The following RIMBP2 variants were observed in gnomAD, a reference collection of about 807,000 sequenced individuals.
RIMBP2 encodes RIMS-binding protein 2.
In RIMBP2, 48 loss-of-function variants were observed where a neutral mutation model predicts 118.6. That is an observed-to-expected ratio of 0.40 (90% CI 0.32 to 0.51). The LOEUF (loss-of-function observed/expected upper bound fraction) is 0.51. Among genes scored for constraint, RIMBP2 ranks in the 20% least tolerant of loss-of-function variants. RIMBP2 has a pLI of 0.41. For synonymous variants in RIMBP2, 762 were observed against 742.9 expected, an observed-to-expected ratio of 1.03 and a Z score of -0.42; for missense variants, 1,551 against 1,768.3, an observed-to-expected ratio of 0.88 and a Z score of 2.20.
rs115734950 is a variant in RIMBP2, at chr12:130,709,212, C to G, written c.-352+7010G>C. Among the ~76,000 whole-genome samples, 1,040 of 152,334 alleles carry G rather than the reference C, an allele frequency of 6.8e-3. 16 individuals carry two copies. The highest frequency in any genetic ancestry group is 0.024 in the African/African-American group (992 of 41,576). Reference sequence around the variant, plus strand: ...CAGGGCTGGTGGGCTTGGGGACAAGCAGGAAGGAAGCTGGGGAACTGTCTG... The same window carrying G: ...CAGGGCTGGTGGGCTTGGGGACAAGGAGGAAGGAAGCTGGGGAACTGTCTG... On this transcript the variant is annotated intron_variant, in intron 1 of 22. Transcript: ENST00000690449.
Position 130,424,214 on chromosome 12 carries a change from G to T in RIMBP2, c.3057C>A (p.Ser1019Arg). The change falls in exon 16 of 23, where the codon AGC becomes AGA. Residue 1019 changes from serine (S) to arginine (R), a missense_variant. Ser to Arg is a moderately radical substitution (Grantham distance 110). This residue lies in a region of RIMBP2 where 1,038 missense variants were observed against 1,125.1 expected (regional missense o/e 0.92). Transcript: ENST00000690449. This position sits in a 1 kb window ranked among gnomAD's most constrained non-coding sequence, Gnocchi z 9.8. ...CTGCCCTACTGTCGGGCATGGTTAT[G>T]CTTTTCTTCCAGACACCCCGAAAAT... Reference protein sequence around the residue: ...HQDFRGVWKKSITMPDSRAAA... With the variant: ...HQDFRGVWKKRITMPDSRAAA... 1 of 1,232,032 alleles carries T rather than the reference G, an allele frequency of 8.1e-7. No homozygotes were observed. Among genetic ancestry groups the T allele is most frequent in the East Asian group, 3.2e-5 (1 of 31,680 alleles). 76.3% of individuals were successfully genotyped at this position (1,232,032 alleles called of 1,614,324 possible).
chr12:130,675,692 C>T (rs376106179), intron 1 of RIMBP2, among the ~76,000 whole-genome samples: 10 of 152,312 alleles, frequency 6.6e-5, no homozygotes, highest in African/African-American at 2.4e-4. Flanking sequence ...AAAGAATCCA[C>T]GTGACTTTGA....
At position 130,452,840 on chromosome 12, in the gene RIMBP2, A is replaced by G. The variant is rs973515170; in HGVS notation, c.359-1500T>C. 2.0e-5 allele frequency among the ~76,000 whole-genome samples: 3 copies of G among 152,340 alleles called. No homozygotes were observed. The East Asian group carries it at 5.8e-4, about 29-fold the overall frequency. ...GGGGACGGCACAGCTGATGAAGGTG[A>G]TATGAATACAGTAGTCACCTTGTAT... On this transcript the variant is annotated intron_variant, in intron 7 of 22. Coordinates refer to ENST00000690449, the MANE Select transcript of RIMBP2 (RefSeq NM_001393629.1).
In RIMBP2 at chr12:130,420,483, A is replaced by G. The variant is rs1435904600; in HGVS notation, c.3238+1970T>C. On this transcript the variant is annotated intron_variant, in intron 17 of 22. Transcript: ENST00000690449. This position sits in a 1 kb window ranked among gnomAD's most constrained non-coding sequence, Gnocchi z 4.3. ...TTAAGACACGCATGCAGCCTTTGGAATTCTACGGCTTCAGAAAAATCCAAC... is the reference window on the plus strand; with the variant it reads ...TTAAGACACGCATGCAGCCTTTGGAGTTCTACGGCTTCAGAAAAATCCAAC... Among the ~76,000 whole-genome samples, 1 of 152,202 alleles carries G rather than the reference A, an allele frequency of 6.6e-6. No individual in the cohort carries two copies. Among genetic ancestry groups the G allele is most frequent in the Non-Finnish European group, 1.5e-5 (1 of 68,040 alleles).
chr12:130,582,757 C>G (rs2058562104), intron 2 of RIMBP2, among the ~76,000 whole-genome samples: 1 of 152,184 alleles, frequency 6.6e-6, no homozygotes, highest in African/African-American at 2.4e-5. Context: ...CTCTGTCTTT[C>G]AAGCCTTCTA....
In RIMBP2 at chr12:130,450,120, G is replaced by T; in HGVS notation, c.581+80C>A. The T allele has an allele frequency of 1.1e-6, 1 of 914,886 alleles. No homozygotes were observed. The highest frequency in any genetic ancestry group is 1.7e-6 in the Non-Finnish European group (1 of 576,948). The allele number at this position is 914,886 out of a possible 1,614,324, so 56.7% of individuals were successfully genotyped here. A position where few individuals can be genotyped will look rare whatever the true frequency, so the allele number is the denominator to read the frequency against. ...TGCCCTGGGAGAAGGGAACTTCTCAGACCCCAGAGTGTTCCCAGACCCAAC... is the reference window on the plus strand; with the variant it reads ...TGCCCTGGGAGAAGGGAACTTCTCATACCCCAGAGTGTTCCCAGACCCAAC... On this transcript the variant is annotated intron_variant, in intron 9 of 22. Transcript: ENST00000690449. This position sits in a 1 kb window ranked among gnomAD's most constrained non-coding sequence, Gnocchi z 4.8.
At position 130,419,330 on chromosome 12, in the gene RIMBP2, G is replaced by C. The variant is rs1238854998; in HGVS notation, c.3238+3123C>G. Among the ~76,000 whole-genome samples, 1 of 152,188 alleles carries C rather than the reference G, an allele frequency of 6.6e-6. No homozygotes were observed. The highest frequency in any genetic ancestry group is 1.5e-5 in the Non-Finnish European group (1 of 68,038). ...GGGTCTTTGTTAGGAGGAAGGGTGT[G>C]CATATCGTGTGGGAGATCAGGGCTC... On this transcript the variant is annotated intron_variant, in intron 17 of 22. Transcript: ENST00000690449. This position sits in a 1 kb window ranked among gnomAD's most constrained non-coding sequence, Gnocchi z 4.3.
At chr12:130,658,634 G>A (rs7966306) in intron 1 of RIMBP2, 79,285 of 152,046 alleles carry the variant, frequency 0.52, 21,643 homozygotes, top group Non-Finnish European at 0.62. Context: ...AGGCAAGCGC[G>A]GTAGCTGCAG....
At position 130,414,294 on chromosome 12, in the gene RIMBP2, C is replaced by T. The variant is rs754032403; in HGVS notation, c.3251G>A (p.Arg1084Gln). The T allele has an allele frequency of 9.4e-6, 15 of 1,589,210 alleles. No individual in the cohort carries two copies. The Admixed American group carries it at 2.1e-4, about 22-fold the overall frequency. The change falls in exon 18 of 23, where the codon CGA becomes CAA. Residue 1084 changes from arginine (R) to glutamine (Q), a missense_variant. Coordinates refer to ENST00000690449, the MANE Select transcript of RIMBP2 (RefSeq NM_001393629.1). ...VTVPSIDDYG[R>Q]DRLSPDFYEE... ...ATAGAAGTCTGGAGAAAGGCGGTCTCGCCCGTAATCGTCTGCGAGCAAGTG... is the reference window on the plus strand; with the variant it reads ...ATAGAAGTCTGGAGAAAGGCGGTCTTGCCCGTAATCGTCTGCGAGCAAGTG...
At chr12:130,711,583 A>C (rs1398318444) in intron 1 of RIMBP2, among the ~76,000 whole-genome samples, 2 of 152,210 alleles carry the variant, frequency 1.3e-5, no homozygotes, top group African/African-American at 4.8e-5. Flanking sequence ...TTGGACTTAA[A>C]GTTTATATTG....
chr12:130,575,929 C>G (rs992264020), intron 2 of RIMBP2, among the ~76,000 whole-genome samples: 4 of 152,086 alleles, frequency 2.6e-5, no homozygotes, highest in Non-Finnish European at 5.9e-5. Flanking sequence ...TTTACTTCCC[C>G]GGAAAGCTGG....
intron 1 of RIMBP2, among the ~76,000 whole-genome samples, chr12:130,656,413 C>T (rs918020882): frequency 2.4e-4 from 36 of 152,214 alleles, no homozygotes; most frequent in Non-Finnish European, 4.4e-4. Context: ...CATGTCCCCT[C>T]TCCTGGGACT....
intron 11 of RIMBP2, among the ~76,000 whole-genome samples, chr12:130,439,713 CGGTGGGGGTGTTTGTGGGTGTGTG>C (rs2077923360): frequency 3.1e-5 from 1 of 32,204 alleles, no homozygotes; most frequent in Admixed American, 4.2e-4. Context: ...GTGGGGGTGT[CGGTGGGGGTGTTTGTGGGTGTGTG>C]TATGTGGGTC....
intron 2 of RIMBP2, among the ~76,000 whole-genome samples, chr12:130,596,137 G>A (rs891086513): frequency 1.2e-4 from 18 of 152,084 alleles, no homozygotes; most frequent in Admixed American, 9.2e-4. Flanking sequence ...CACCCCGAAT[G>A]TGCGCACGGT....
rs2058222398 is a variant in RIMBP2, at chr12:130,578,209, TG to T, written c.-217+50112del. Among the ~76,000 whole-genome samples the T allele has an allele frequency of 2.0e-5, 3 of 152,212 alleles. No individual in the cohort carries two copies. The highest frequency in any genetic ancestry group is 4.4e-5 in the Non-Finnish European group (3 of 68,028). On this transcript the variant is annotated intron_variant, in intron 2 of 22. Coordinates refer to ENST00000690449, the MANE Select transcript of RIMBP2 (RefSeq NM_001393629.1). This position sits in a 1 kb window ranked among gnomAD's most constrained non-coding sequence, Gnocchi z 4.1. ...AGGAGGCATGGGTCAGGGCCTGAGCTGGGGCAGAAGCTCAGAGGATTCCATC... is the reference window on the plus strand; with the variant it reads ...AGGAGGCATGGGTCAGGGCCTGAGCTGGGCAGAAGCTCAGAGGATTCCATC...
intron 1 of RIMBP2, among the ~76,000 whole-genome samples, chr12:130,702,872 A>T (rs1178070885): frequency 1.3e-5 from 2 of 152,140 alleles, no homozygotes; most frequent in Non-Finnish European, 2.9e-5. Flanking sequence ...ATAAAACTGG[A>T]ATTAATCATA....
At chr12:130,664,005 T>G (rs2063763655) in intron 1 of RIMBP2, among the ~76,000 whole-genome samples, 1 of 140,968 alleles carries the variant, frequency 7.1e-6, no homozygotes, top group Non-Finnish European at 1.6e-5. Flanking sequence ...GTGGAGCAAT[T>G]TCCAGGCTAT....
At chr12:130,577,429 C>G (rs2140141144) in intron 2 of RIMBP2, among the ~76,000 whole-genome samples, 1 of 152,240 alleles carries the variant, frequency 6.6e-6, no homozygotes, top group African/African-American at 2.4e-5. Context: ...GCTGGGGAGG[C>G]CTCAGGAAAC....
intron 1 of RIMBP2, among the ~76,000 whole-genome samples, chr12:130,693,629 C>A (rs2065436885): frequency 6.6e-6 from 1 of 152,130 alleles, no homozygotes; most frequent in African/African-American, 2.4e-5. Flanking sequence ...GCATTTTGGC[C>A]TTCTCCTTTC....
Sources: gnomAD v4.1 joint callset for allele counts (sites outside exome capture counted in the v4.1 genomes callset) on GRCh38, gnomAD v4.1.1 for gene constraint, gnomAD v4.1.1 regional missense constraint, Gnocchi (gnomAD v3.1) non-coding constraint, MANE v1.5 for transcripts, NCBI Gene and HGNC (gene_info 2026-07-23, HGNC 2026-07-21) for gene names.